The following RAPGEF2 variants were observed in gnomAD, a reference collection of about 807,000 sequenced individuals.
RAPGEF2 encodes the protein Rap guanine nucleotide exchange factor 2, also known as PDZ domain containing guanine nucleotide exchange factor (GEF) 1.
In RAPGEF2, 54 loss-of-function variants were observed where a neutral mutation model predicts 186.7. That is an observed-to-expected ratio of 0.29 (90% CI 0.23 to 0.36). RAPGEF2 has a LOEUF of 0.36. RAPGEF2 is among the 10% of genes least tolerant of loss of function. The probability of loss-of-function intolerance (pLI) is 1.00; values close to 1 mark genes in which losing one functional copy is unlikely to be tolerated. For synonymous variants in RAPGEF2, 712 were observed against 705.9 expected (o/e 1.01, Z -0.14); for missense variants, 1,532 against 2,045.0 (o/e 0.75, Z 4.84).
chr4:159,269,301 G>A (rs1386398234), intron 7 of RAPGEF2, among the ~76,000 whole-genome samples: 2 of 152,142 alleles, frequency 1.3e-5, no homozygotes, highest in African/African-American at 4.8e-5. Flanking sequence ...CCTCAGGAAT[G>A]AGCCATGCGA....
chr4:159,171,909 G>A (rs143543145), intron 1 of RAPGEF2, among the ~76,000 whole-genome samples: 9 of 152,000 alleles, frequency 5.9e-5, no homozygotes, highest in South Asian at 4.1e-4. Context: ...TCATACTACC[G>A]TTCAAGAGTT....
chr4:159,324,702 A>G (rs917949771), intron 11 of RAPGEF2, among the ~76,000 whole-genome samples: 47 of 152,202 alleles, frequency 3.1e-4, no homozygotes, highest in African/African-American at 1.1e-3. Context: ...AAAGAGAAAT[A>G]GTATCAGTAT....
rs1299035340 is a variant in RAPGEF2 at position 159,193,276 on chromosome 4, T to C, written c.197+20T>C. 2 of 1,438,598 alleles carry C rather than the reference T, an allele frequency of 1.4e-6. No individual in the cohort carries two copies. The highest frequency in any genetic ancestry group is 2.4e-5 in the Admixed American group (1 of 42,116). The allele number at this position is 1,438,598 out of a possible 1,614,324, so 89.1% of individuals were successfully genotyped here. On this transcript the variant is annotated intron_variant, in intron 3 of 29. Coordinates refer to ENST00000691494, the MANE Select transcript of RAPGEF2 (RefSeq NM_001394067.2). The stretch of plus-strand genomic sequence containing the variant: ...ATACTAGTAGGTGTTTCCTTTTTGT[T>C]TGTACAATGTATCTAATCCAGTGAC...
chr4:159,231,361 T>G (rs1328769823), intron 4 of RAPGEF2, among the ~76,000 whole-genome samples: 1 of 152,092 alleles, frequency 6.6e-6, no homozygotes, highest in Non-Finnish European at 1.5e-5. Flanking sequence ...TAATATATAT[T>G]ATTACTCACA....
intron 1 of RAPGEF2, among the ~76,000 whole-genome samples, chr4:159,119,205 A>G (rs1739398007): frequency 6.6e-6 from 1 of 152,180 alleles, no homozygotes; most frequent in African/African-American, 2.4e-5. Context: ...CAGACGCTCA[A>G]GGATGTCATT....
At chr4:159,317,919 A>G (rs1306545076) in intron 9 of RAPGEF2, among the ~76,000 whole-genome samples, 1 of 152,180 alleles carries the variant, frequency 6.6e-6, no homozygotes, top group African/African-American at 2.4e-5. Flanking sequence ...TTGTGAAGAA[A>G]ATGCTGATTA....
chr4:159,302,146 A>G (rs181399633), intron 7 of RAPGEF2, among the ~76,000 whole-genome samples: 1 of 152,168 alleles, frequency 6.6e-6, no homozygotes, highest in Admixed American at 6.5e-5. Flanking sequence ...AGATGAATAG[A>G]TTGTGGTATC....
At chr4:159,131,851 T>C (rs1038321997) in intron 1 of RAPGEF2, among the ~76,000 whole-genome samples, 1 of 152,010 alleles carries the variant, frequency 6.6e-6, no homozygotes, top group Non-Finnish European at 1.5e-5. Flanking sequence ...TTAGCCTTTC[T>C]TTGTAGGGCC....
chr4:159,120,855 T>C (rs1037992562), intron 1 of RAPGEF2, among the ~76,000 whole-genome samples: 1 of 151,962 alleles, frequency 6.6e-6, no homozygotes, highest in African/African-American at 2.4e-5. Context: ...AATTTTTAAA[T>C]TATTTTATTT....
intron 7 of RAPGEF2, among the ~76,000 whole-genome samples, chr4:159,274,123 G>A (rs1279804055): frequency 1.2e-4 from 19 of 152,152 alleles, no homozygotes. Context: ...CCAGAGGTTT[G>A]ACCAAACTCT....
intron 1 of RAPGEF2, among the ~76,000 whole-genome samples, chr4:159,171,426 G>T (rs1745893181): frequency 1.3e-5 from 2 of 152,172 alleles, no homozygotes; most frequent in Admixed American, 1.3e-4. Context: ...GAGGTTGAGT[G>T]ACTTGTTCAG....
In RAPGEF2 at chr4:159,267,913, A is replaced by G. The variant is rs544368650; in HGVS notation, c.543+24122A>G. 1.0e-5 allele frequency: 13 copies of G among 1,246,442 alleles called. No homozygotes were observed. The Admixed American group carries it at 2.0e-4, about 19-fold the overall frequency. 77.2% of individuals were successfully genotyped at this position (1,246,442 alleles called of 1,614,324 possible). A position where few individuals can be genotyped will look rare whatever the true frequency, so the allele number is the denominator to read the frequency against. On this transcript the variant is annotated intron_variant, in intron 7 of 29. Coordinates refer to ENST00000691494, the MANE Select transcript of RAPGEF2 (RefSeq NM_001394067.2). Reference sequence around the variant, plus strand: ...TTTCTCAGTCTTGTCATAGCCTAGGATGGTTAGAGTTTCAATGTTATAAAA... The same window carrying G: ...TTTCTCAGTCTTGTCATAGCCTAGGGTGGTTAGAGTTTCAATGTTATAAAA...
chr4:159,222,328 GAGA>G (rs963111198), intron 4 of RAPGEF2, among the ~76,000 whole-genome samples: 2 of 152,192 alleles, frequency 1.3e-5, no homozygotes, highest in African/African-American at 4.8e-5. Flanking sequence ...TAGCCGTAAA[GAGA>G]AGGACTCATA....
intron 1 of RAPGEF2, among the ~76,000 whole-genome samples, chr4:159,115,588 C>G (rs1290962777): frequency 6.6e-6 from 1 of 151,388 alleles, no homozygotes; most frequent in Non-Finnish European, 1.5e-5. Context: ...TTCATGCATT[C>G]TTACAAACTC....
Position 159,240,375 on chromosome 4 carries a change from C to T in RAPGEF2, c.358-826C>T, listed in dbSNP as rs147227495. Among the ~76,000 whole-genome samples the T allele has an allele frequency of 8.0e-3, 863 of 108,388 alleles. 14 individuals carry two copies. Among genetic ancestry groups the T allele is most frequent in the African/African-American group, 0.03 (815 of 27,352 alleles). The allele number at this position is 108,388 out of a possible 152,430, so 71.1% of individuals were successfully genotyped here. Reference sequence around the variant, plus strand: ...TGGAGACGGAGTCTTGTCGTGTTGTCTAGCTTGAAGTGCAGTGGCGCGATC... The same window carrying T: ...TGGAGACGGAGTCTTGTCGTGTTGTTTAGCTTGAAGTGCAGTGGCGCGATC... On this transcript the variant is annotated intron_variant, in intron 5 of 29. Coordinates refer to ENST00000691494, the MANE Select transcript of RAPGEF2 (RefSeq NM_001394067.2).
chr4:159,242,853 T>C (rs755208928), intron 6 of RAPGEF2, among the ~76,000 whole-genome samples: 1 of 152,082 alleles, frequency 6.6e-6, no homozygotes, highest in Non-Finnish European at 1.5e-5. Flanking sequence ...TTTTTTCTGC[T>C]TTGGAATTGT....
In RAPGEF2 at chr4:159,121,553, G is replaced by T. The variant is rs1739685055; in HGVS notation, c.69+17322G>T. Among the ~76,000 whole-genome samples, 3 of 151,748 alleles carry T rather than the reference G, an allele frequency of 2.0e-5. No individual in the cohort carries two copies. In the South Asian group the frequency reaches 6.2e-4, roughly 32 times the overall value. ...TAGCTAATTTTTAATTTTTTTTGTG[G>T]AGATGGGATCTCACTGTGTTGTCCA... On this transcript the variant is annotated intron_variant, in intron 1 of 29. Transcript: ENST00000691494.
intron 1 of RAPGEF2, among the ~76,000 whole-genome samples, chr4:159,170,189 T>C (rs1186253056): frequency 1.3e-5 from 2 of 152,170 alleles, no homozygotes; most frequent in East Asian, 3.8e-4. Context: ...ATATACCTGT[T>C]GGCTATTTGT....
chr4:159,250,349 C>T (rs1004925774), intron 7 of RAPGEF2, among the ~76,000 whole-genome samples: 8 of 152,114 alleles, frequency 5.3e-5, no homozygotes, highest in Admixed American at 2.0e-4. Flanking sequence ...AAGTGGAAGA[C>T]AGGTGGTAGT....
Sources: gnomAD v4.1 joint callset for allele counts (sites outside exome capture counted in the v4.1 genomes callset) on GRCh38, gnomAD v4.1.1 for gene constraint, MANE v1.5 for transcripts, NCBI Gene and HGNC (gene_info 2026-07-23, HGNC 2026-07-21) for gene names.